The following SLC68A1 variants were observed in gnomAD, a reference collection of about 807,000 sequenced individuals.
SLC68A1 encodes the protein solute carrier family 68 member 1, also known as major facilitator superfamily domain containing 13A.
the SLC68A1 span, chr10:102,461,980 G>A: frequency 6.6e-6 from 1 of 152,294 alleles, no homozygotes; most frequent in South Asian, 2.1e-4. Flanking sequence ...TGAGTGAAGA[G>A]CTCCTGGGCT....
chr10:102,463,761 C>A, the SLC68A1 span, among the ~76,000 whole-genome samples: 2 of 152,056 alleles, frequency 1.3e-5, no homozygotes, highest in East Asian at 3.9e-4. Flanking sequence ...ATGTACAGAA[C>A]GTGAATGCAG....
the SLC68A1 span, among the ~76,000 whole-genome samples, chr10:102,466,448 A>G: frequency 1.4e-5 from 2 of 143,716 alleles, no homozygotes; most frequent in Non-Finnish European, 3.0e-5. Context: ...GCACCATTAC[A>G]CTCCAGCCTG....
At chr10:102,468,034 G>GA in the SLC68A1 span, among the ~76,000 whole-genome samples, 10 of 149,478 alleles carry the variant, frequency 6.7e-5, no homozygotes, top group South Asian at 4.2e-4. Flanking sequence ...ATTTGGGCAG[G>GA]AAAAAAAAAA....
the SLC68A1 span, among the ~76,000 whole-genome samples, chr10:102,470,500 T>C: frequency 6.6e-6 from 1 of 151,916 alleles, no homozygotes; most frequent in Non-Finnish European, 1.5e-5. Context: ...CACTGGTGAG[T>C]TGTGCTTCCT....
chr10:102,470,660 G>C, the SLC68A1 span: 1 of 1,603,376 alleles, frequency 6.2e-7, no homozygotes. Flanking sequence ...TCCTTTCCCC[G>C]GCAGGTCAGG....
the SLC68A1 span, chr10:102,473,861 G>C: frequency 2.5e-6 from 4 of 1,613,908 alleles, no homozygotes; most frequent in Admixed American, 6.7e-5. Context: ...TGCTGACCTT[G>C]GTGGTCACTG....
At chr10:102,464,729 G>A in the SLC68A1 span, among the ~76,000 whole-genome samples, 8 of 145,030 alleles carry the variant, frequency 5.5e-5, no homozygotes, top group Non-Finnish European at 8.9e-5. Context: ...GGCAGAGGTT[G>A]CAGTAAGCCG....
At chr10:102,476,494 C>T in the SLC68A1 span, 254 of 985,716 alleles carry the variant, frequency 2.6e-4, no homozygotes, top group East Asian at 1.1e-3. Context: ...CATGAGCCAC[C>T]GCACTCGGCC....
chr10:102,466,144 T>G, the SLC68A1 span: 1 of 152,262 alleles, frequency 6.6e-6, no homozygotes, highest in Admixed American at 6.5e-5. Flanking sequence ...CACGGTGCTC[T>G]GTGCTTCCTG....
At chr10:102,470,798 C>T in the SLC68A1 span, 2 of 1,613,966 alleles carry the variant, frequency 1.2e-6, no homozygotes, top group Admixed American at 1.7e-5. Flanking sequence ...GCAGTTCTTG[C>T]TGTGCCTGTG....
At chr10:102,470,958 C>T in the SLC68A1 span, 1 of 1,613,296 alleles carries the variant, frequency 6.2e-7, no homozygotes, top group Non-Finnish European at 8.5e-7. Flanking sequence ...GCATCCTATG[C>T]CTTTTGGAAC....
At chr10:102,463,196 G>A in the SLC68A1 span, among the ~76,000 whole-genome samples, 1 of 150,266 alleles carries the variant, frequency 6.7e-6, no homozygotes, top group Non-Finnish European at 1.5e-5. Flanking sequence ...TTTAAGAGAC[G>A]GAGTCTCACT....
the SLC68A1 span, among the ~76,000 whole-genome samples, chr10:102,467,076 C>T: frequency 4.6e-5 from 7 of 152,310 alleles, no homozygotes; most frequent in Admixed American, 1.3e-4. Context: ...CTTGCTCCGT[C>T]GCCCAGGCTG....
At chr10:102,469,080 G>T in the SLC68A1 span, 1 of 1,614,078 alleles carries the variant, frequency 6.2e-7, no homozygotes, top group Non-Finnish European at 8.5e-7. Context: ...CCACAGCTGT[G>T]GTCTATGGCT....
the SLC68A1 span, among the ~76,000 whole-genome samples, chr10:102,470,386 G>A: frequency 6.6e-6 from 1 of 152,076 alleles, no homozygotes; most frequent in Admixed American, 6.5e-5. Context: ...GCTTGAGCCC[G>A]TCATCACCCC....
At chr10:102,473,662 C>T in the SLC68A1 span, 1 of 1,614,140 alleles carries the variant, frequency 6.2e-7, no homozygotes, top group Non-Finnish European at 8.5e-7. Context: ...GGGGCTCTTC[C>T]TGCTCAAGCT....
At chr10:102,472,077 C>T in the SLC68A1 span, 31 of 454,062 alleles carry the variant, frequency 6.8e-5, no homozygotes, top group East Asian at 1.4e-3. Context: ...GTGGAAAGAC[C>T]GCTTGAGCCC....
At chr10:102,463,513 G>A in the SLC68A1 span, among the ~76,000 whole-genome samples, 1 of 152,072 alleles carries the variant, frequency 6.6e-6, no homozygotes, top group African/African-American at 2.4e-5. Context: ...AGGAGGGGAA[G>A]GGAGGCATTT....
chr10:102,472,970 G>T, the SLC68A1 span: 5 of 1,576,064 alleles, frequency 3.2e-6, no homozygotes, highest in South Asian at 5.5e-5. Context: ...GACCTTGGGT[G>T]CTTCATGCAA....
Sources: gnomAD v4.1 joint callset for allele counts (sites outside exome capture counted in the v4.1 genomes callset) on GRCh38, gnomAD v4.1.1 for gene constraint, MANE v1.5 for transcripts, NCBI Gene and HGNC (gene_info 2026-07-23, HGNC 2026-07-21) for gene names.